KIF13B: variants seen among roughly 807,000 people sequenced by gnomAD.
KIF13B encodes kinesin-like protein KIF13B.
KIF13B carries 127 observed loss-of-function variants against 222.0 expected under a neutral mutation model. That is an observed-to-expected ratio of 0.57 (90% CI 0.50 to 0.66). The LOEUF is 0.66. Ranked by LOEUF, KIF13B falls within the 30% of genes least tolerant of loss-of-function variation. The pLI, the probability that KIF13B is intolerant of heterozygous loss-of-function variation, is 0.00. For missense variants in KIF13B, 2,173 were observed against 2,379.0 expected (o/e 0.91, Z 1.80); for synonymous variants, 976 against 919.0 (o/e 1.06, Z -1.12).
chr8:29,235,591 C>T (rs1372255579), intron 2 of KIF13B, among the ~76,000 whole-genome samples: 1 of 152,044 alleles, frequency 6.6e-6, no homozygotes, highest in Non-Finnish European at 1.5e-5. Flanking sequence ...GCCACAGTGG[C>T]CCCCACTTTC....
intron 37 of KIF13B, among the ~76,000 whole-genome samples, chr8:29,079,385 T>C (rs569428351): frequency 6.1e-4 from 93 of 152,234 alleles, no homozygotes; most frequent in Non-Finnish European, 1.2e-3. Flanking sequence ...CCCTGCACTG[T>C]CTCTTCATCT....
At chr8:29,209,639 C>T (rs1236407801) in intron 2 of KIF13B, among the ~76,000 whole-genome samples, 1 of 152,104 alleles carries the variant, frequency 6.6e-6, no homozygotes, top group South Asian at 2.1e-4. Flanking sequence ...AAGGTGCTTC[C>T]GTTGCCTCAC....
At chr8:29,135,467 C>A (rs1330033888) in intron 21 of KIF13B, among the ~76,000 whole-genome samples, 10 of 152,106 alleles carry the variant, frequency 6.6e-5, no homozygotes, top group Admixed American at 6.6e-4. Flanking sequence ...CTGATTAAAC[C>A]AATTTTCACA....
At chr8:29,202,895 T>C (rs981025634) in intron 2 of KIF13B, among the ~76,000 whole-genome samples, 2 of 151,978 alleles carry the variant, frequency 1.3e-5, no homozygotes, top group African/African-American at 4.8e-5. Flanking sequence ...GGTAACACCA[T>C]TCCCCCTAGC....
rs746602364 is a variant in KIF13B, at chr8:29,186,406, C to G, written c.383G>C (p.Ser128Thr). 24 of 1,613,784 alleles carry G rather than the reference C, an allele frequency of 1.5e-5. No homozygotes were observed. Among genetic ancestry groups the G allele is most frequent in the Non-Finnish European group, 1.2e-5 (14 of 1,179,804 alleles). Residue 128 changes from serine to threonine, a missense_variant, in exon 6 of 40, where the codon AGT (serine) becomes ACT (threonine). Ser to Thr is a moderately conservative substitution (Grantham distance 58, BLOSUM62 1). Around this residue, in one of 2 missense-constraint regions of KIF13B, gnomAD observed 1,480 missense variants for 1,722.8 expected, o/e 0.86. Transcript: ENST00000524189. ...TTTCTGAGTTCGTTCAAAGAGTCCA[C>G]TGCAAAGTCTTGGGATTAATCCAGG... ...DQPGLIPRLC[S>T]GLFERTQKEE...
At chr8:29,235,775 G>A (rs570952578) in intron 2 of KIF13B, among the ~76,000 whole-genome samples, 1 of 152,326 alleles carries the variant, frequency 6.6e-6, no homozygotes, top group East Asian at 1.9e-4. Context: ...ATTACAGGAA[G>A]CAGGAGCAGG....
At position 29,232,341 on chromosome 8, in the gene KIF13B, A is replaced by G. The variant is rs558995005; in HGVS notation, c.149+13005T>C. Among the ~76,000 whole-genome samples, 33 of 150,208 alleles carry G rather than the reference A, an allele frequency of 2.2e-4. 1 individual carries two copies. The South Asian group carries it at 6.7e-3, about 30-fold the overall frequency. On this transcript the variant is annotated intron_variant, in intron 2 of 39. Transcript: ENST00000524189. ...AGGCTTGGCACTTTGGGAAACCAAGATGGGAGGATCACTTGAGGCCAGGAG... is the reference window on the plus strand; with the variant it reads ...AGGCTTGGCACTTTGGGAAACCAAGGTGGGAGGATCACTTGAGGCCAGGAG...
chr8:29,134,071 G>A lies in KIF13B; in HGVS notation c.2753C>T (p.Pro918Leu), dbSNP rs1810458570. ...ATGATCAAAGACAACCATGCAGTGC[G>A]GCTCCTTGCTGACGGAAGAGGAGGA... ...DTSSSSVSKE[P>L]HCMVVFDHCN... Residue 918 changes from proline to leucine, a missense_variant, in exon 22 of 40, where the codon CCG (proline) becomes CTG (leucine). Pro to Leu is a moderately conservative substitution (Grantham distance 98, BLOSUM62 -3). Transcript: ENST00000524189. The A allele has an allele frequency of 1.2e-6, 2 of 1,613,978 alleles. No homozygotes were observed. Among genetic ancestry groups the A allele is most frequent in the Non-Finnish European group, 1.7e-6 (2 of 1,179,880 alleles).
At chr8:29,117,130 T>C in intron 30 of KIF13B, 123 bp from the exon 31 acceptor site, 1 of 729,246 alleles carries the variant, frequency 1.4e-6, no homozygotes, top group Non-Finnish European at 2.1e-6. Context: ...AGTTCTACTA[T>C]GACAGCTGCC....
chr8:29,078,618 G>A (rs1016911722), intron 37 of KIF13B, among the ~76,000 whole-genome samples: 1 of 152,128 alleles, frequency 6.6e-6, no homozygotes, highest in African/African-American at 2.4e-5. Flanking sequence ...CAACACATCT[G>A]GTAACTATTA....
chr8:29,168,744 C>T (rs947898695), intron 10 of KIF13B, among the ~76,000 whole-genome samples: 51 of 152,216 alleles, frequency 3.4e-4, no homozygotes, highest in African/African-American at 1.1e-3. Context: ...CCCCCCATCC[C>T]CAACACTTTA....
intron 14 of KIF13B, among the ~76,000 whole-genome samples, chr8:29,153,126 G>A (rs745825719): frequency 6.6e-6 from 1 of 151,978 alleles, no homozygotes; most frequent in Non-Finnish European, 1.5e-5. Flanking sequence ...AGATGCTTAT[G>A]GTATGAAGTA....
chr8:29,186,290 AC>A lies in KIF13B; in HGVS notation c.497+1del, dbSNP rs1301600781. 1 of 1,607,946 alleles carries A rather than the reference AC, an allele frequency of 6.2e-7. No individual in the cohort carries two copies. The highest frequency in any genetic ancestry group is 8.5e-7 in the Non-Finnish European group (1 of 1,176,516). ...AAACACTAAAGTCTCAAAGTCCTTT[AC>A]CCTTTGGGATCAAGAAGGTCTCGAA... On this transcript the variant is annotated splice_donor_variant, in intron 6 of 39. Coordinates refer to ENST00000524189, the MANE Select transcript of KIF13B (RefSeq NM_015254.4). LOFTEE classifies it high-confidence loss of function.
intron 32 of KIF13B, among the ~76,000 whole-genome samples, chr8:29,112,431 C>CA (rs34908319): frequency 0.27 from 21,150 of 77,960 alleles, 2,750 homozygotes; most frequent in Admixed American, 0.33. Flanking sequence ...GACTCAGTCT[C>CA]AAAAAAAAAA....
intron 37 of KIF13B, among the ~76,000 whole-genome samples, chr8:29,080,347 A>AC (rs1554591460): frequency 5.3e-5 from 8 of 151,542 alleles, no homozygotes; most frequent in Admixed American, 5.2e-4. Context: ...AAAAAAAAAA[A>AC]AACCAACCCA....
At chr8:29,182,546 G>T (rs918759334) in intron 6 of KIF13B, among the ~76,000 whole-genome samples, 2 of 150,446 alleles carry the variant, frequency 1.3e-5, no homozygotes, top group Non-Finnish European at 3.0e-5. Flanking sequence ...TTCAATAAAC[G>T]CATGAAAAAA....
chr8:29,156,499 T>TA (rs550584081), intron 13 of KIF13B, among the ~76,000 whole-genome samples: 106 of 152,066 alleles, frequency 7.0e-4, no homozygotes, highest in African/African-American at 2.5e-3. Flanking sequence ...ATCGCAGTCT[T>TA]AGTCACTTAT....
chr8:29,101,287 T>C (rs984028636), intron 35 of KIF13B, among the ~76,000 whole-genome samples: 2 of 152,200 alleles, frequency 1.3e-5, no homozygotes, highest in Non-Finnish European at 2.9e-5. Flanking sequence ...CTGCTTTGTG[T>C]ACAGTGGCGA....
At chr8:29,100,080 G>A (rs533922808) in intron 35 of KIF13B, among the ~76,000 whole-genome samples, 3 of 152,308 alleles carry the variant, frequency 2.0e-5, no homozygotes, top group African/African-American at 7.2e-5. Context: ...ATAAATTACA[G>A]TCAAACCCAA....
Sources: allele counts gnomAD v4.1 joint callset (sites outside exome capture counted in the v4.1 genomes callset), GRCh38; gene constraint gnomAD v4.1.1; regional missense constraint gnomAD v4.1.1; transcripts MANE v1.5; gene names NCBI Gene and HGNC (gene_info 2026-07-23, HGNC 2026-07-21).